PKP4: variants seen among roughly 807,000 people sequenced by gnomAD.
The protein encoded by PKP4 is plakophilin-4.
PKP4 carries 90 observed loss-of-function variants against 145.1 expected under a neutral mutation model. That is an observed-to-expected ratio of 0.62 (90% confidence interval 0.52 to 0.74). The LOEUF is 0.74. PKP4 is among the 30% of genes least tolerant of loss of function. PKP4 has a pLI of 0.00. For synonymous variants in PKP4, 563 were observed against 577.2 expected (o/e 0.98, Z 0.35); for missense variants, 1,340 against 1,482.7 (o/e 0.90, Z 1.58).
intron 1 of PKP4, among the ~76,000 whole-genome samples, chr2:158,523,880 C>G (rs918335836): frequency 1.9e-4 from 27 of 140,664 alleles, no homozygotes; most frequent in African/African-American, 7.2e-4. Context: ...GAAAGGGTAT[C>G]AGCAACGGAA....
At chr2:158,459,481 T>G (rs938869241) in intron 1 of PKP4, among the ~76,000 whole-genome samples, 1 of 151,850 alleles carries the variant, frequency 6.6e-6, no homozygotes, top group Non-Finnish European at 1.5e-5. Flanking sequence ...GGAAAAAAAA[T>G]AGAAAAAAAT....
chr2:158,492,460 C>T (rs961337454), intron 1 of PKP4, among the ~76,000 whole-genome samples: 3 of 152,168 alleles, frequency 2.0e-5, no homozygotes, highest in African/African-American at 4.8e-5. Context: ...CAGCCAGCAA[C>T]CTGCCTTCAC....
intron 1 of PKP4, among the ~76,000 whole-genome samples, chr2:158,464,364 A>G (rs1573921661): frequency 6.6e-6 from 1 of 152,340 alleles, no homozygotes; most frequent in African/African-American, 2.4e-5. Context: ...GGCAGATTTC[A>G]TGAGGAGAAT....
chr2:158,660,514 A>T (rs1260438157), intron 12 of PKP4: 3 of 152,644 alleles, frequency 2.0e-5, no homozygotes, highest in African/African-American at 7.2e-5. Flanking sequence ...GGCAGGGCAG[A>T]TGAGAGCCGC....
rs74844708 is a variant in PKP4 at position 158,570,896 on chromosome 2, A to G, written c.133-6375A>G. Among the ~76,000 whole-genome samples the G allele has an allele frequency of 8.4e-3, 1,275 of 152,340 alleles. 22 individuals are homozygous for G. The highest frequency in any genetic ancestry group is 0.029 in the African/African-American group (1,217 of 41,572). On this transcript the variant is annotated intron_variant, in intron 2 of 21. Transcript: ENST00000389759. The stretch of plus-strand genomic sequence containing the variant: ...AGACTGAGGAGTCCTATAATCAACA[A>G]GATATGTTCTCAGATGAGAAAAACT...
intron 2 of PKP4, among the ~76,000 whole-genome samples, chr2:158,554,616 G>C (rs950114468): frequency 1.3e-5 from 2 of 151,822 alleles, no homozygotes; most frequent in African/African-American, 4.8e-5. Context: ...TAGTAAAGAC[G>C]GGGTTTCACT....
At chr2:158,470,579 C>A (rs1236100948) in intron 1 of PKP4, among the ~76,000 whole-genome samples, 4 of 152,196 alleles carry the variant, frequency 2.6e-5, no homozygotes, top group Non-Finnish European at 5.9e-5. Context: ...TTCAACCCAT[C>A]AGAGAGTTGA....
At chr2:158,475,943 A>G (rs1692405299) in intron 1 of PKP4, among the ~76,000 whole-genome samples, 1 of 152,246 alleles carries the variant, frequency 6.6e-6, no homozygotes, top group Admixed American at 6.5e-5. Flanking sequence ...GGGACAGTCC[A>G]CAAAATCAAG....
At chr2:158,514,334 G>T (rs568635182) in intron 1 of PKP4, among the ~76,000 whole-genome samples, 1 of 152,182 alleles carries the variant, frequency 6.6e-6, no homozygotes, top group Admixed American at 6.5e-5. Context: ...AGTCCATTGC[G>T]TTCTCCATCT....
intron 4 of PKP4, among the ~76,000 whole-genome samples, chr2:158,611,959 C>T (rs531962020): frequency 1.3e-5 from 2 of 151,762 alleles, no homozygotes; most frequent in Non-Finnish European, 2.9e-5. Flanking sequence ...TTCCTGATTG[C>T]CACTATAAAA....
chr2:158,623,724 A>C (rs889223763), intron 6 of PKP4, among the ~76,000 whole-genome samples: 27 of 152,142 alleles, frequency 1.8e-4, no homozygotes, highest in Admixed American at 1.8e-3. Flanking sequence ...CAAAGCCCTC[A>C]TCTGATCCCT....
At chr2:158,652,929 C>T (rs1422674129) in intron 11 of PKP4, among the ~76,000 whole-genome samples, 1 of 152,152 alleles carries the variant, frequency 6.6e-6, no homozygotes, top group Non-Finnish European at 1.5e-5. Flanking sequence ...TACCTGCCTC[C>T]ATCATGAACG....
intron 1 of PKP4, among the ~76,000 whole-genome samples, chr2:158,501,891 T>C (rs1168656572): frequency 2.0e-5 from 3 of 152,218 alleles, no homozygotes; most frequent in Non-Finnish European, 2.9e-5. Flanking sequence ...CAGTCCTTGG[T>C]ATCATTAAGT....
intron 2 of PKP4, among the ~76,000 whole-genome samples, chr2:158,537,008 C>G (rs987172393): frequency 6.6e-6 from 1 of 152,176 alleles, no homozygotes; most frequent in Non-Finnish European, 1.5e-5. Flanking sequence ...CTCCCAGCAC[C>G]TTGGATATAT....
chr2:158,529,801 G>A (rs938039016), intron 1 of PKP4, among the ~76,000 whole-genome samples: 4 of 152,134 alleles, frequency 2.6e-5, no homozygotes, highest in African/African-American at 9.7e-5. Flanking sequence ...TCTCATTAGA[G>A]GCAGCTCATT....
intron 2 of PKP4, among the ~76,000 whole-genome samples, chr2:158,554,429 A>ATTATTTT (rs1553573064): frequency 2.1e-5 from 3 of 141,188 alleles, no homozygotes; most frequent in East Asian, 2.1e-4. Flanking sequence ...TATTATTATT[A>ATTATTTT]TTTTTTTTTT....
chr2:158,566,185 G>T (rs1187653805), intron 2 of PKP4, among the ~76,000 whole-genome samples: 1 of 152,066 alleles, frequency 6.6e-6, no homozygotes, highest in Non-Finnish European at 1.5e-5. Flanking sequence ...CCTTAAATTA[G>T]TAATTTTTAA....
intron 13 of PKP4, chr2:158,662,684 A>T (rs1176746681): frequency 2.6e-5 from 11 of 419,990 alleles, no homozygotes; most frequent in Non-Finnish European, 2.9e-5. Context: ...TCAAATCCTC[A>T]GCAGGACTGA....
At chr2:158,601,732 C>T (rs1266382892) in intron 3 of PKP4, among the ~76,000 whole-genome samples, 2 of 152,162 alleles carry the variant, frequency 1.3e-5, no homozygotes, top group Non-Finnish European at 2.9e-5. Context: ...ATGTGAACTA[C>T]TGCACCTGTG....
Sources: gnomAD v4.1 joint callset for allele counts (sites outside exome capture counted in the v4.1 genomes callset) on GRCh38, gnomAD v4.1.1 for gene constraint, MANE v1.5 for transcripts, NCBI Gene and HGNC (gene_info 2026-07-23, HGNC 2026-07-21) for gene names.